Variants in PPP1R9A observed in about 807,000 individuals in gnomAD.
PPP1R9A encodes the protein protein phosphatase 1 regulatory subunit 9A.
In PPP1R9A, 59 loss-of-function variants were observed where a neutral mutation model predicts 141.9. The observed-to-expected ratio is 0.42, with a 90% CI of 0.34 to 0.52. PPP1R9A has a LOEUF of 0.52. PPP1R9A is among the 20% of genes least tolerant of loss of function. The pLI is 0.10. For missense variants in PPP1R9A, 1,444 were observed against 1,611.9 expected, an observed-to-expected ratio of 0.90 and a Z score of 1.78; for synonymous variants, 500 against 569.7, an observed-to-expected ratio of 0.88 and a Z score of 1.74.
intron 4 of PPP1R9A, among the ~76,000 whole-genome samples, chr7:95,146,426 T>C (rs1827625802): frequency 6.6e-6 from 1 of 152,160 alleles, no homozygotes; most frequent in Non-Finnish European, 1.5e-5. Flanking sequence ...ATTGCAAAAA[T>C]TTTCTCCCAT....
At chr7:95,227,586 G>C (rs1795317868) in intron 8 of PPP1R9A, among the ~76,000 whole-genome samples, 1 of 152,120 alleles carries the variant, frequency 6.6e-6, no homozygotes, top group Non-Finnish European at 1.5e-5. Flanking sequence ...TCTCTTTATT[G>C]TTTGTGGCTG....
chr7:95,219,083 T>G (rs1319171141), intron 7 of PPP1R9A, among the ~76,000 whole-genome samples: 4 of 152,176 alleles, frequency 2.6e-5, no homozygotes, highest in African/African-American at 9.7e-5. Flanking sequence ...TTACAATTTG[T>G]CATGCTTTTG....
At chr7:95,254,018 A>G (rs926879151) in intron 12 of PPP1R9A, among the ~76,000 whole-genome samples, 8 of 152,096 alleles carry the variant, frequency 5.3e-5, no homozygotes, top group Non-Finnish European at 1.0e-4. Context: ...TCAACACACT[A>G]TACTATTAAC....
intron 2 of PPP1R9A, among the ~76,000 whole-genome samples, chr7:95,041,237 C>G (rs1441241550): frequency 6.6e-6 from 1 of 152,156 alleles, no homozygotes; most frequent in Admixed American, 6.5e-5. Context: ...AGACGAATCT[C>G]AAAATGCTGA....
chr7:94,969,371 A>G (rs1395898323), intron 2 of PPP1R9A, among the ~76,000 whole-genome samples: 1 of 151,680 alleles, frequency 6.6e-6, no homozygotes, highest in African/African-American at 2.4e-5. Flanking sequence ...TTCCTTTCTG[A>G]TTGTTAGTTT....
At chr7:94,993,768 A>C (rs854747) in intron 2 of PPP1R9A, among the ~76,000 whole-genome samples, 74,088 of 151,916 alleles carry the variant, frequency 0.49, 18,589 homozygotes, top group Middle Eastern at 0.57. Flanking sequence ...CTATTAGTAG[A>C]AGTAGCTTGG....
At chr7:94,992,536 A>G (rs1403517953) in intron 2 of PPP1R9A, among the ~76,000 whole-genome samples, 3 of 152,212 alleles carry the variant, frequency 2.0e-5, no homozygotes, top group African/African-American at 7.2e-5. Flanking sequence ...CTTTTAAAGA[A>G]ACTGCCAAAC....
At chr7:95,284,911 T>G (rs905341018) in intron 17 of PPP1R9A, among the ~76,000 whole-genome samples, 1 of 152,232 alleles carries the variant, frequency 6.6e-6, no homozygotes, top group Admixed American at 6.5e-5. Context: ...TTGGTCTCCT[T>G]TTATCTGTGT....
chr7:95,001,557 C>G (rs1021813717), intron 2 of PPP1R9A, among the ~76,000 whole-genome samples: 1 of 152,124 alleles, frequency 6.6e-6, no homozygotes, highest in Non-Finnish European at 1.5e-5. Context: ...ACAATGTTAT[C>G]CTTTATGAGG....
intron 4 of PPP1R9A, among the ~76,000 whole-genome samples, chr7:95,133,170 T>C (rs1312637896): frequency 6.6e-6 from 1 of 152,108 alleles, no homozygotes; most frequent in African/African-American, 2.4e-5. Context: ...AATAGGAAAG[T>C]GCATGCTGAT....
intron 2 of PPP1R9A, among the ~76,000 whole-genome samples, chr7:95,073,142 C>T (rs1255445745): frequency 6.6e-6 from 1 of 150,634 alleles, no homozygotes; most frequent in Non-Finnish European, 1.5e-5. Flanking sequence ...TCCACCACCA[C>T]ACCCAGCTAA....
intron 7 of PPP1R9A, among the ~76,000 whole-genome samples, chr7:95,205,795 T>G (rs1441697361): frequency 6.6e-6 from 1 of 152,186 alleles, no homozygotes; most frequent in East Asian, 1.9e-4. Flanking sequence ...TGTATCTCTT[T>G]CTGTCATTAT....
rs373261781 is a variant in PPP1R9A, at chr7:95,264,421, C to T, written c.2666-4129C>T. Among the ~76,000 whole-genome samples the T allele has an allele frequency of 3.9e-5, 6 of 152,050 alleles. No homozygotes were observed. In the East Asian group the frequency reaches 9.6e-4, roughly 24 times the overall value. On this transcript the variant is annotated intron_variant, in intron 12 of 19. Transcript: ENST00000433360. ...TGATCTGTGGGCAGCATTCCACTTA[C>T]GTCAAAAATAACGTCAATCTAGTGA... is the stretch of plus-strand genomic sequence containing the variant.
Position 95,291,687 on chromosome 7 carries a change from C to T in PPP1R9A, c.*1384C>T, listed in dbSNP as rs1806381320. 1 of 152,152 alleles carries T rather than the reference C, an allele frequency of 6.6e-6. No individual in the cohort carries two copies. Among genetic ancestry groups the T allele is most frequent in the Admixed American group, 6.5e-5 (1 of 15,268 alleles). The allele number at this position is 152,152 out of a possible 1,614,324, so 9.4% of individuals were successfully genotyped here. ...TCTGGTTCTCTTTGCTGCGTTGACT[C>T]TAAAAATGAGGTTATCCACTTTCCA... On this transcript the variant is annotated 3_prime_UTR_variant, in exon 20 of 20. Coordinates refer to ENST00000433360, the MANE Select transcript of PPP1R9A (RefSeq NM_001166160.2).
intron 2 of PPP1R9A, among the ~76,000 whole-genome samples, chr7:95,063,885 A>G (rs1209719936): frequency 6.6e-6 from 1 of 152,178 alleles, no homozygotes; most frequent in East Asian, 1.9e-4. Context: ...CTCAGAGCAT[A>G]ATACTTGTTT....
chr7:95,130,632 C>A (rs1224056778), intron 4 of PPP1R9A, among the ~76,000 whole-genome samples: 1 of 152,164 alleles, frequency 6.6e-6, no homozygotes, highest in Non-Finnish European at 1.5e-5. Flanking sequence ...GCCACAGACA[C>A]TTAACACCAG....
chr7:94,988,731 T>C (rs854741), intron 2 of PPP1R9A, among the ~76,000 whole-genome samples: 59,357 of 151,824 alleles, frequency 0.39, 12,455 homozygotes, highest in Middle Eastern at 0.51. Flanking sequence ...TCTGTAGGTG[T>C]AAAGTAGGCA....
At chr7:95,186,838 C>T in intron 5 of PPP1R9A, among the ~76,000 whole-genome samples, 1 of 152,204 alleles carries the variant, frequency 6.6e-6, no homozygotes, top group Non-Finnish European at 1.5e-5. Context: ...ATTAAATCAT[C>T]CCTGCATCTC....
intron 4 of PPP1R9A, among the ~76,000 whole-genome samples, chr7:95,121,145 G>T (rs112015037): frequency 1.3e-5 from 2 of 152,282 alleles, no homozygotes; most frequent in African/African-American, 4.8e-5. Context: ...ATGGAGGTCA[G>T]CACATAGTTT....
Sources: allele counts gnomAD v4.1 joint callset (sites outside exome capture counted in the v4.1 genomes callset), GRCh38; gene constraint gnomAD v4.1.1; transcripts MANE v1.5; gene names NCBI Gene and HGNC (gene_info 2026-07-23, HGNC 2026-07-21).